The following MPHOSPH9 variants were observed in gnomAD, a reference collection of about 807,000 sequenced individuals.
The protein encoded by MPHOSPH9 is M-phase phosphoprotein 9.
In MPHOSPH9, 88 loss-of-function variants were observed where a neutral mutation model predicts 145.5. The ratio of observed to expected loss-of-function variants is 0.60; its 90% confidence interval spans 0.51 to 0.72. The LOEUF is 0.72. Ranked by LOEUF, MPHOSPH9 falls within the 30% of genes least tolerant of loss-of-function variation. The pLI is 0.00. For missense variants in MPHOSPH9, 1,238 were observed against 1,386.6 expected (o/e 0.89, Z 1.70); for synonymous variants, 435 against 486.2 (o/e 0.89, Z 1.39).
At chr12:123,178,186 T>G (rs1239024054) in intron 15 of MPHOSPH9, among the ~76,000 whole-genome samples, 4 of 152,210 alleles carry the variant, frequency 2.6e-5, no homozygotes, top group African/African-American at 9.6e-5. Flanking sequence ...GGAGTACTGG[T>G]GCATACCGCC....
Position 123,202,705 on chromosome 12 carries a change from T to G in MPHOSPH9, c.1700A>C (p.Gln567Pro). 6.2e-7 allele frequency: 1 copy of G among 1,614,214 alleles called. No homozygotes were observed. The highest frequency in any genetic ancestry group is 1.1e-5 in the South Asian group (1 of 91,082). Residue 567 changes from glutamine to proline, a missense_variant, in exon 10 of 24, where the codon CAG becomes CCG. Gln to Pro is a moderately conservative substitution (Grantham distance 76). Around this residue, in one of 3 missense-constraint regions of MPHOSPH9, gnomAD observed 837 missense variants for 897.5 expected, o/e 0.93. Transcript: ENST00000606320. ...GTTGGCTGTACCTGGAAGCTGGGAC[T>G]GACTGACTGAGGCCGAAGCAACCAT... ...TVMVASASVS[Q>P]SQLPGTANSV...
intron 22 of MPHOSPH9, 109 bp downstream of exon 22, chr12:123,161,027 T>C: frequency 7.1e-7 from 1 of 1,413,160 alleles, no homozygotes; most frequent in Non-Finnish European, 9.6e-7. Context: ...CTCTGGTATG[T>C]TATCCCATTG....
intron 12 of MPHOSPH9, among the ~76,000 whole-genome samples, chr12:123,196,573 A>C (rs1162112521): frequency 6.6e-6 from 1 of 152,188 alleles, no homozygotes; most frequent in East Asian, 1.9e-4. Flanking sequence ...CTTTGTTCAG[A>C]AAGAAAAAAA....
intron 1 of MPHOSPH9, among the ~76,000 whole-genome samples, chr12:123,232,549 G>A (rs563967094): frequency 1.3e-5 from 2 of 152,310 alleles, no homozygotes; most frequent in South Asian, 4.1e-4. Context: ...GCTCCGCCTT[G>A]ACGGGAGGCT....
intron 8 of MPHOSPH9, among the ~76,000 whole-genome samples, chr12:123,208,931 T>C (rs1459619594): frequency 6.6e-6 from 1 of 152,082 alleles, no homozygotes; most frequent in Non-Finnish European, 1.5e-5. Flanking sequence ...ATTCCACTTT[T>C]TTCTGTTGTT....
At chr12:123,186,068 T>C (rs2045429932) in intron 13 of MPHOSPH9, among the ~76,000 whole-genome samples, 1 of 151,576 alleles carries the variant, frequency 6.6e-6, no homozygotes, top group East Asian at 1.9e-4. Flanking sequence ...CTACTAAAAA[T>C]ACAAAAATTA....
At chr12:123,188,067 A>C (rs2045526326) in intron 13 of MPHOSPH9, among the ~76,000 whole-genome samples, 1 of 152,190 alleles carries the variant, frequency 6.6e-6, no homozygotes, top group Non-Finnish European at 1.5e-5. Flanking sequence ...CAGAGGTTGC[A>C]GTGAACCAAG....
chr12:123,225,529 G>A lies in MPHOSPH9; in HGVS notation c.258+1934C>T, dbSNP rs1344628178. Among the ~76,000 whole-genome samples, 9 of 137,110 alleles carry A rather than the reference G, an allele frequency of 6.6e-5. 1 individual carries two copies. The East Asian group carries it at 1.1e-3, about 17-fold the overall frequency. The allele number at this position is 137,110 out of a possible 152,430, so 89.9% of individuals were successfully genotyped here. On this transcript the variant is annotated intron_variant, in intron 3 of 23. Coordinates refer to ENST00000606320, the MANE Select transcript of MPHOSPH9 (RefSeq NM_022782.4). ...AAAGAAAAGGAAGGAAGGAAGAAAG[G>A]AAGGGAGGGAGGGAGGGGGTGGGAG... is the stretch of plus-strand genomic sequence containing the variant.
At chr12:123,165,170 T>C (rs1423279620) in intron 18 of MPHOSPH9, 132 bp downstream of exon 18, 3 of 747,666 alleles carry the variant, frequency 4.0e-6, no homozygotes, top group African/African-American at 1.8e-5. Context: ...GGGGCTGAAG[T>C]AGCAGTAAAA....
chr12:123,204,468 C>G (rs185410104), intron 8 of MPHOSPH9, among the ~76,000 whole-genome samples: 83 of 152,292 alleles, frequency 5.5e-4, no homozygotes, highest in Admixed American at 4.6e-3. Context: ...CCAAACAAAA[C>G]TAGGTGTCAC....
At chr12:123,189,411 A>G (rs562396361) in intron 13 of MPHOSPH9, among the ~76,000 whole-genome samples, 2 of 152,178 alleles carry the variant, frequency 1.3e-5, no homozygotes, top group African/African-American at 2.4e-5. Context: ...AGCTAGAACA[A>G]TACCCTAGAG....
intron 8 of MPHOSPH9, among the ~76,000 whole-genome samples, chr12:123,207,298 A>G (rs185481647): frequency 6.6e-6 from 1 of 152,146 alleles, no homozygotes; most frequent in Non-Finnish European, 1.5e-5. Flanking sequence ...TAACACTGTG[A>G]GCCCTGCAAT....
intron 15 of MPHOSPH9, among the ~76,000 whole-genome samples, chr12:123,179,518 T>A (rs868783791): frequency 2.0e-5 from 3 of 151,974 alleles, no homozygotes; most frequent in Non-Finnish European, 2.9e-5. Flanking sequence ...GAGGTTGCAG[T>A]GAGCCAAGAT....
chr12:123,190,311 C>T (rs966399501), intron 13 of MPHOSPH9, among the ~76,000 whole-genome samples: 4 of 152,016 alleles, frequency 2.6e-5, no homozygotes, highest in Non-Finnish European at 5.9e-5. Context: ...CACCACCACG[C>T]CCAACTAATT....
Position 123,182,267 on chromosome 12 carries a change from T to TG in MPHOSPH9, c.2242-1058_2242-1057insC, listed in dbSNP as rs1392707053. 2.6e-4 allele frequency among the ~76,000 whole-genome samples: 39 copies of TG among 150,330 alleles called. No individual in the cohort carries two copies. In the East Asian group the frequency reaches 7.5e-3, roughly 29 times the overall value. Reference sequence around the variant, plus strand: ...TTTTTGTGTTTTTTTTTTTGTTTTTTTTTTTTGATGGAGTCTTGCTCCATC... The same window carrying TG: ...TTTTTGTGTTTTTTTTTTTGTTTTTTGTTTTTTGATGGAGTCTTGCTCCATC... On this transcript the variant is annotated intron_variant, in intron 13 of 23. Coordinates refer to ENST00000606320, the MANE Select transcript of MPHOSPH9 (RefSeq NM_022782.4).
chr12:123,202,564 T>G, intron 10 of MPHOSPH9, 60 bp downstream of exon 10: 1 of 1,473,246 alleles, frequency 6.8e-7, no homozygotes, highest in Non-Finnish European at 9.2e-7. Flanking sequence ...TAAAGATCAT[T>G]TTCAATCAGA....
intron 8 of MPHOSPH9, among the ~76,000 whole-genome samples, chr12:123,208,032 A>C (rs954435187): frequency 1.3e-5 from 2 of 151,752 alleles, no homozygotes; most frequent in Non-Finnish European, 2.9e-5. Context: ...AGCCTGGCCA[A>C]CATCACGAAA....
chr12:123,171,067 G>A (rs2044555500), intron 16 of MPHOSPH9, among the ~76,000 whole-genome samples: 1 of 152,068 alleles, frequency 6.6e-6, no homozygotes, highest in Non-Finnish European at 1.5e-5. Context: ...ATTTTTTGTT[G>A]AGAAAGTTAT....
At position 123,156,849 on chromosome 12, in the gene MPHOSPH9, C is replaced by T. The variant is rs1346145861; in HGVS notation, c.3510G>A (p.Thr1170=). 1 of 1,612,322 alleles carries T rather than the reference C, an allele frequency of 6.2e-7. No individual in the cohort carries two copies. The highest frequency in any genetic ancestry group is 1.1e-5 in the South Asian group (1 of 90,950). ...INRELGSVRM[T]LKKFHVLRTS... is the part of the protein sequence containing the mutation. ...TGCGCAAAACATGGAATTTCTTTAGCGTCATGCGAACTGAACCCAGTTCTC... is the reference window on the plus strand; with the variant it reads ...TGCGCAAAACATGGAATTTCTTTAGTGTCATGCGAACTGAACCCAGTTCTC... Residue 1170 remains threonine (T), a synonymous_variant, in exon 24 of 24, where the codon ACG becomes ACA. Coordinates refer to ENST00000606320, the MANE Select transcript of MPHOSPH9 (RefSeq NM_022782.4).
Sources: allele counts gnomAD v4.1 joint callset (sites outside exome capture counted in the v4.1 genomes callset), GRCh38; gene constraint gnomAD v4.1.1; regional missense constraint gnomAD v4.1.1; transcripts MANE v1.5; gene names NCBI Gene and HGNC (gene_info 2026-07-23, HGNC 2026-07-21).